RPS6KA1: variants seen among roughly 807,000 people sequenced by gnomAD.
The protein encoded by RPS6KA1 is ribosomal protein S6 kinase A1.
Under a neutral mutation model 91.3 loss-of-function variants are expected in RPS6KA1, and 48 were observed. The observed-to-expected ratio is 0.53, with a 90% confidence interval of 0.42 to 0.67. The LOEUF is 0.67. Ranked by LOEUF, RPS6KA1 falls within the 30% of genes least tolerant of loss-of-function variation. The probability of loss-of-function intolerance (pLI) is 0.00; values close to 1 mark genes in which losing one functional copy is unlikely to be tolerated. For missense variants in RPS6KA1, 719 were observed against 960.5 expected (o/e 0.75, Z 3.32); for synonymous variants, 359 against 384.7 (o/e 0.93, Z 0.78).
At chr1:26,570,419 T>A (rs796119549) in intron 17 of RPS6KA1, among the ~76,000 whole-genome samples, 16 of 152,048 alleles carry the variant, frequency 1.1e-4, no homozygotes, top group African/African-American at 3.9e-4. Flanking sequence ...GCTCAGAGAT[T>A]GAGGCTGCAG....
Position 26,574,072 on chromosome 1 carries a change from CT to C in RPS6KA1, c.2086-4del. On this transcript the variant is annotated splice_region_variant and splice_polypyrimidine_tract_variant and intron_variant, in intron 21 of 21. Transcript: ENST00000374168. This position sits in a 1 kb window ranked among gnomAD's most constrained non-coding sequence, Gnocchi z 4.3. ...ATTGTGACCTGACCTCCCCACTTCT[CT>C]TTCAGGGAGCCATGGCTGCCACGTA... 6 of 1,613,798 alleles carry C rather than the reference CT, an allele frequency of 3.7e-6. No individual in the cohort carries two copies. Among genetic ancestry groups the C allele is most frequent in the Non-Finnish European group, 5.1e-6 (6 of 1,179,714 alleles).
intron 19 of RPS6KA1, 92 bp downstream of exon 19, chr1:26,572,017 C>T (rs1400140915): frequency 1.8e-5 from 25 of 1,413,916 alleles, no homozygotes; most frequent in East Asian, 7.0e-5. Flanking sequence ...CTCAGCCAGC[C>T]CCGCCCCAGG....
intron 2 of RPS6KA1, 145 bp from the exon 3 acceptor site, chr1:26,546,722 C>A: frequency 1.6e-6 from 1 of 630,254 alleles, no homozygotes; most frequent in South Asian, 1.8e-5. Flanking sequence ...AAATCGATGA[C>A]CCTGGAGGCT....
At chr1:26,532,285 C>T (rs2075873477) in intron 1 of RPS6KA1, among the ~76,000 whole-genome samples, 1 of 152,178 alleles carries the variant, frequency 6.6e-6, no homozygotes, top group Non-Finnish European at 1.5e-5. Context: ...TATGTGCCAC[C>T]CACTCTGCCT....
At chr1:26,557,171 G>C (rs2076109907) in intron 13 of RPS6KA1, 71 bp downstream of exon 13, 2 of 1,248,490 alleles carry the variant, frequency 1.6e-6, no homozygotes, top group South Asian at 1.2e-5. Context: ...TGGCAGCTTG[G>C]GGGGCAGAGA....
chr1:26,559,415 G>A (rs2076134525), intron 14 of RPS6KA1, among the ~76,000 whole-genome samples: 1 of 152,064 alleles, frequency 6.6e-6, no homozygotes. Context: ...TGCCCAGGCT[G>A]GAGTGCAGTG....
chr1:26,535,654 C>G (rs4970483), intron 1 of RPS6KA1, among the ~76,000 whole-genome samples: 43,933 of 151,992 alleles, frequency 0.29, 7,223 homozygotes, highest in East Asian at 0.77. Flanking sequence ...AAAGGCAAGA[C>G]TGACCAGAGG....
Position 26,555,751 on chromosome 1 carries a change from C to G in RPS6KA1, c.916+126C>G. ...TCCTTTGTGTGGGCAGACAATGCCG[C>G]GGGCCACCCTGCTTTCTGGCTCCAT... On this transcript the variant is annotated intron_variant, in intron 11 of 21. Coordinates refer to ENST00000374168, the MANE Select transcript of RPS6KA1 (RefSeq NM_002953.4). This position sits in a 1 kb window ranked among gnomAD's most constrained non-coding sequence, Gnocchi z 4.3. The G allele has an allele frequency of 3.3e-6, 3 of 901,734 alleles. No homozygotes were observed. The East Asian group carries it at 7.9e-5, about 24-fold the overall frequency. 55.9% of individuals were successfully genotyped at this position (901,734 alleles called of 1,614,324 possible). A position where few individuals can be genotyped will look rare whatever the true frequency, so the allele number is the denominator to read the frequency against.
At chr1:26,568,486 C>A (rs1287637943) in intron 17 of RPS6KA1, among the ~76,000 whole-genome samples, 1 of 152,278 alleles carries the variant, frequency 6.6e-6, no homozygotes, top group South Asian at 2.1e-4. Flanking sequence ...TGGTGGCTCA[C>A]GCCTGTAATC....
At chr1:26,567,488 C>T (rs943641683) in intron 17 of RPS6KA1, among the ~76,000 whole-genome samples, 1 of 152,212 alleles carries the variant, frequency 6.6e-6, no homozygotes, top group Non-Finnish European at 1.5e-5. Context: ...TTAGGAGATT[C>T]TCCTGCCTCA....
At chr1:26,565,792 C>T (rs1190337997) in intron 17 of RPS6KA1, among the ~76,000 whole-genome samples, 2 of 152,108 alleles carry the variant, frequency 1.3e-5, no homozygotes, top group Non-Finnish European at 2.9e-5. Context: ...GACCTCCTGA[C>T]CTCAAGTGAT....
At chr1:26,536,576 ATC>A (rs2124614669) in intron 1 of RPS6KA1, among the ~76,000 whole-genome samples, 1 of 152,338 alleles carries the variant, frequency 6.6e-6, no homozygotes, top group East Asian at 1.9e-4. Context: ...CAAGGTTTGT[ATC>A]TGGTAGAGCT....
intron 14 of RPS6KA1, among the ~76,000 whole-genome samples, chr1:26,559,960 C>T (rs1263602929): frequency 6.6e-6 from 1 of 152,096 alleles, no homozygotes; most frequent in Admixed American, 6.5e-5. Flanking sequence ...GGCGTGTTGG[C>T]GCGTGCCTAT....
chr1:26,552,121 G>A (rs143899004), intron 6 of RPS6KA1, among the ~76,000 whole-genome samples: 26 of 152,276 alleles, frequency 1.7e-4, no homozygotes, highest in Admixed American at 3.9e-4. Context: ...TGGGCGCAGC[G>A]GCTCACGCCT....
chr1:26,546,012 G>T, intron 2 of RPS6KA1: 1 of 1,611,986 alleles, frequency 6.2e-7, no homozygotes, highest in African/African-American at 1.3e-5. Flanking sequence ...CCCTGGCCCT[G>T]GCTCTGGCCC....
rs2076053656 is a variant in RPS6KA1 at position 26,551,846 on chromosome 1, C to A, written c.468+123C>A. On this transcript the variant is annotated intron_variant, in intron 6 of 21. Coordinates refer to ENST00000374168, the MANE Select transcript of RPS6KA1 (RefSeq NM_002953.4). This position sits in a 1 kb window ranked among gnomAD's most constrained non-coding sequence, Gnocchi z 4.5. ...TTGAACCTGGAACCACCCAGGCCTG[C>A]CTAGCAGCCCCTGGCCCAGGAAATA... 1 of 795,748 alleles carries A rather than the reference C, an allele frequency of 1.3e-6. No homozygotes were observed. The highest frequency in any genetic ancestry group is 1.5e-5 in the South Asian group (1 of 67,742). 49.3% of individuals were successfully genotyped at this position (795,748 alleles called of 1,614,324 possible). A position where few individuals can be genotyped will look rare whatever the true frequency, so the allele number is the denominator to read the frequency against.
In RPS6KA1 at chr1:26,571,878, C is replaced by T. The variant is rs542561207; in HGVS notation, c.1782C>T (p.Gly594=). Reference sequence around the variant, plus strand: ...TGAAGCGCCAGGGCTACGATGAAGGCTGCGACATCTGGAGCCTGGGCATTC... The same window carrying T: ...TGAAGCGCCAGGGCTACGATGAAGGTTGCGACATCTGGAGCCTGGGCATTC... ...EVLKRQGYDE[G]CDIWSLGILL... is the part of the protein sequence containing the mutation. The change falls in exon 19 of 22, where the codon GGC becomes GGT. Residue 594 remains glycine, a synonymous_variant. Transcript: ENST00000374168. The surrounding 1 kb of genome is among the most constrained non-coding windows in gnomAD (Gnocchi z 5.1). 3.4e-5 allele frequency: 54 copies of T among 1,611,290 alleles called. No homozygotes were observed. In the East Asian group the frequency reaches 1.1e-3, roughly 33 times the overall value.
At position 26,561,247 on chromosome 1, in the gene RPS6KA1, GGGAAGGAGGT is replaced by G; in HGVS notation, c.1431+114_1431+123del. 9.2e-7 allele frequency: 1 copy of G among 1,081,416 alleles called. No homozygotes were observed. Among genetic ancestry groups the G allele is most frequent in the South Asian group, 1.4e-5 (1 of 70,470 alleles). The allele number at this position is 1,081,416 out of a possible 1,614,324, so 67.0% of individuals were successfully genotyped here. On this transcript the variant is annotated intron_variant, in intron 16 of 21. Transcript: ENST00000374168. The surrounding 1 kb of genome is among the most constrained non-coding windows in gnomAD (Gnocchi z 5.7). ...TCCTCTTTCCAGTGGTCATGTGGAG[GGGAAGGAGGT>G]CCCTTGGTCCCTTCAGTCTGCCCAT...
In RPS6KA1 at chr1:26,530,460, G is replaced by A. The variant is rs1057158706; in HGVS notation, c.63+477G>A. ...AGGATTGCTCCTCTTGACCCCTGGC[G>A]GATGCGGAGTGTGGGATGGCACCAC... On this transcript the variant is annotated intron_variant, in intron 1 of 21. Transcript: ENST00000374168. Among the ~76,000 whole-genome samples the A allele has an allele frequency of 1.1e-4, 16 of 152,320 alleles. No individual in the cohort carries two copies. The East Asian group carries it at 2.7e-3, about 26-fold the overall frequency.
Sources: gnomAD v4.1 joint callset for allele counts (sites outside exome capture counted in the v4.1 genomes callset) on GRCh38, gnomAD v4.1.1 for gene constraint, Gnocchi (gnomAD v3.1) non-coding constraint, MANE v1.5 for transcripts, NCBI Gene and HGNC (gene_info 2026-07-23, HGNC 2026-07-21) for gene names.